Variants in NLRP7 observed in about 807,000 individuals in gnomAD.
NLRP7 encodes NACHT, LRR and PYD domains-containing protein 7.
Under a neutral mutation model 85.5 loss-of-function variants are expected in NLRP7, and 72 were observed. The observed-to-expected ratio is 0.84, with a 90% CI of 0.70 to 1.02. The LOEUF (loss-of-function observed/expected upper bound fraction) is 1.02. NLRP7 is among the 50% of genes least tolerant of loss of function. NLRP7 has a pLI of 0.00. For missense variants in NLRP7, 1,243 were observed against 1,219.5 expected, an observed-to-expected ratio of 1.02 and a Z score of -0.29; for synonymous variants, 550 against 505.2, an observed-to-expected ratio of 1.09 and a Z score of -1.19.
In NLRP7 at chr19:54,962,053, C is replaced by T. The variant is rs567000659; in HGVS notation, c.-77+3987G>A. Among the ~76,000 whole-genome samples, 10 of 147,682 alleles carry T rather than the reference C, an allele frequency of 6.8e-5. 1 individual carries two copies. Among genetic ancestry groups the T allele is most frequent in the Non-Finnish European group, 1.3e-4 (9 of 67,028 alleles). Reference sequence around the variant, plus strand: ...TGGTACATGCCTGTAATCCCAGCTACACAGGAGTCTGAGGCAGGAGAATCA... The same window carrying T: ...TGGTACATGCCTGTAATCCCAGCTATACAGGAGTCTGAGGCAGGAGAATCA... On this transcript the variant is annotated intron_variant, in intron 1 of 2. Coordinates refer to the NLRP7 transcript ENST00000587103.
At chr19:54,939,165 G>T (rs1305762069) in exon 4 of NLRP7, 1 of 1,614,234 alleles carries the variant, frequency 6.2e-7, no homozygotes, top group Non-Finnish European at 8.5e-7. Flanking sequence ...GCTTTGCATT[G>T]CAGCAATTCC....
intron 1 of NLRP7, among the ~76,000 whole-genome samples, chr19:54,962,567 G>A (rs111380962): frequency 0.067 from 9,994 of 150,216 alleles, 544 homozygotes; most frequent in Non-Finnish European, 0.1. Flanking sequence ...CACCACGCCC[G>A]GCCCCTCATT....
At chr19:54,937,290 G>C (rs1035932675) in intron 5 of NLRP7, among the ~76,000 whole-genome samples, 15 of 151,750 alleles carry the variant, frequency 9.9e-5, no homozygotes, top group African/African-American at 2.7e-4. Flanking sequence ...ATACTTGGGT[G>C]ACAAAATAAT....
At chr19:54,927,825 C>G in intron 9 of NLRP7, 50 bp from the exon 10 acceptor site, 1 of 1,562,900 alleles carries the variant, frequency 6.4e-7, no homozygotes, top group Non-Finnish European at 8.8e-7. Context: ...CAGGTAGTGG[C>G]TCAAGCGTGT....
At chr19:54,962,937 C>T (rs940264315) in intron 1 of NLRP7, among the ~76,000 whole-genome samples, 14 of 152,062 alleles carry the variant, frequency 9.2e-5, no homozygotes, top group African/African-American at 3.4e-4. Context: ...GGCAACTGAG[C>T]GCGGCAGTGA....
intron 8 of NLRP7, 54 bp downstream of exon 8, chr19:54,933,515 G>A: frequency 6.3e-7 from 1 of 1,591,086 alleles, no homozygotes; most frequent in Non-Finnish European, 8.6e-7. Flanking sequence ...GTACTTTCAT[G>A]TCTCTCCTGC....
intron 6 of NLRP7, among the ~76,000 whole-genome samples, chr19:54,935,025 A>C (rs2068848212): frequency 6.6e-6 from 1 of 151,944 alleles, no homozygotes; most frequent in African/African-American, 2.4e-5. Context: ...TTCACTTCCC[A>C]AGACATTATG....
At chr19:54,928,628 T>C (rs2068544425) in intron 9 of NLRP7, among the ~76,000 whole-genome samples, 1 of 152,016 alleles carries the variant, frequency 6.6e-6, no homozygotes, top group African/African-American at 2.4e-5. Flanking sequence ...AAGTCCTCTT[T>C]TGGAAAGTGA....
intron 1 of NLRP7, among the ~76,000 whole-genome samples, chr19:54,962,163 CAAAAAAAA>C (rs113089944): frequency 3.1e-4 from 33 of 106,932 alleles, no homozygotes; most frequent in African/African-American, 1.0e-3. Flanking sequence ...AACTCCATCT[CAAAAAAAA>C]AAAAAAGAAA....
Position 54,934,351 on chromosome 19 carries a change from G to A in NLRP7, c.2471+138C>T. 1.2e-6 allele frequency: 1 copy of A among 863,838 alleles called. No individual in the cohort carries two copies. 53.5% of individuals were successfully genotyped at this position (863,838 alleles called of 1,614,324 possible). On this transcript the variant is annotated intron_variant, in intron 7 of 9. Coordinates refer to ENST00000340844, the Ensembl canonical transcript of NLRP7. This position sits in a 1 kb window ranked among gnomAD's most constrained non-coding sequence, Gnocchi z 6.7. ...CTCTCTGCTGAGATTACAGGCAGGA[G>A]CCACCGTGCCGGGCCTGAAGCAGGT...
intron 1 of NLRP7, among the ~76,000 whole-genome samples, chr19:54,956,047 G>A (rs1239577367): frequency 6.6e-6 from 1 of 151,986 alleles, no homozygotes; most frequent in Non-Finnish European, 1.5e-5. Flanking sequence ...GGCCAAGGCA[G>A]GAGGATCACT....
In NLRP7 at chr19:54,933,562, G is replaced by T. The variant is rs2068764671; in HGVS notation, c.2642+7C>A. 2.5e-6 allele frequency: 4 copies of T among 1,614,048 alleles called. No homozygotes were observed. The highest frequency in any genetic ancestry group is 3.4e-6 in the Non-Finnish European group (4 of 1,179,956). ...TGCACACACACACACACCCAGCAGG[G>T]ACTTACACCAAGGTCTGCAGTTTAC... On this transcript the variant is annotated splice_region_variant and intron_variant, in intron 8 of 9. Coordinates refer to ENST00000340844, the Ensembl canonical transcript of NLRP7.
intron 4 of NLRP7, among the ~76,000 whole-genome samples, chr19:54,938,678 A>T (rs1440879151): frequency 6.6e-6 from 1 of 152,222 alleles, no homozygotes; most frequent in Non-Finnish European, 1.5e-5. Flanking sequence ...GTGAGCCAAG[A>T]TCGCGCCACT....
intron 1 of NLRP7, among the ~76,000 whole-genome samples, chr19:54,945,928 T>G (rs1228936896): frequency 6.6e-6 from 1 of 151,872 alleles, no homozygotes; most frequent in Admixed American, 6.6e-5. Flanking sequence ...TAGCTGGGAC[T>G]ACAGGCGCCC....
rs141777123 is a variant in NLRP7 at position 54,926,479 on chromosome 19, T to C, written c.2811-2607A>G. On this transcript the variant is annotated intron_variant, in intron 9 of 9. Coordinates refer to ENST00000340844, the Ensembl canonical transcript of NLRP7. ...TCTTCTCTGCATGGGAAATTCACCA[T>C]GTGAAACAGCCATCCCAGGGCCGAG... Among the ~76,000 whole-genome samples, 1,265 of 152,224 alleles carry C rather than the reference T, an allele frequency of 8.3e-3. 21 individuals carry two copies. The highest frequency in any genetic ancestry group is 0.028 in the African/African-American group (1,152 of 41,538).
At chr19:54,931,716 G>A (rs71367124) in intron 8 of NLRP7, among the ~76,000 whole-genome samples, 39,586 of 150,818 alleles carry the variant, frequency 0.26, 5,371 homozygotes, top group East Asian at 0.41. Flanking sequence ...CAGGTGTGGC[G>A]GCCCATGCCT....
chr19:54,935,228 GA>G (rs1556727762), intron 6 of NLRP7, among the ~76,000 whole-genome samples: 6,610 of 19,570 alleles, frequency 0.34, 464 homozygotes, highest in African/African-American at 0.41. Context: ...TTGCAGGGGG[GA>G]AAAAAAAATT....
chr19:54,959,212 C>T (rs2069955129), intron 1 of NLRP7, among the ~76,000 whole-genome samples: 1 of 150,092 alleles, frequency 6.7e-6, no homozygotes, highest in African/African-American at 2.5e-5. Flanking sequence ...AATCTCGGCT[C>T]ACTGCAAGCT....
At chr19:54,939,489 C>A (rs1435058836) in exon 4 of NLRP7, 1 of 1,613,376 alleles carries the variant, frequency 6.2e-7, no homozygotes, top group South Asian at 1.1e-5. Context: ...AGACGGAGGT[C>A]GGACTCCTGC....
Sources: allele counts gnomAD v4.1 joint callset (sites outside exome capture counted in the v4.1 genomes callset), GRCh38; gene constraint gnomAD v4.1.1; non-coding constraint Gnocchi (gnomAD v3.1); transcripts MANE v1.5; gene names NCBI Gene and HGNC (gene_info 2026-07-23, HGNC 2026-07-21).